Variants in MAPK8 observed in about 807,000 individuals in gnomAD.
The protein encoded by MAPK8 is JUN N-terminal kinase.
In MAPK8, 13 loss-of-function variants were observed where a neutral mutation model predicts 52.9. That is an observed-to-expected ratio of 0.25 (90% CI 0.16 to 0.39). MAPK8 has a LOEUF of 0.39. Among genes scored for constraint, MAPK8 ranks in the 10% least tolerant of loss-of-function variants. The pLI is 1.00. For missense variants in MAPK8, 300 were observed against 519.2 expected, an observed-to-expected ratio of 0.58 and a Z score of 4.10; for synonymous variants, 191 against 169.8, an observed-to-expected ratio of 1.12 and a Z score of -0.97.
chr10:48,365,791 A>T (rs1221667695), intron 1 of MAPK8, among the ~76,000 whole-genome samples: 1 of 152,160 alleles, frequency 6.6e-6, no homozygotes, highest in Non-Finnish European at 1.5e-5. Flanking sequence ...GACAAACTTT[A>T]GGTTGTCAAA....
At chr10:48,313,729 A>G (rs1842218426) in intron 1 of MAPK8, among the ~76,000 whole-genome samples, 1 of 152,150 alleles carries the variant, frequency 6.6e-6, no homozygotes, top group Non-Finnish European at 1.5e-5. Flanking sequence ...TGCAATATGT[A>G]TCACCTTTTG....
At chr10:48,363,239 TG>T (rs1299440904) in intron 1 of MAPK8, among the ~76,000 whole-genome samples, 1 of 152,228 alleles carries the variant, frequency 6.6e-6, no homozygotes, top group Non-Finnish European at 1.5e-5. Context: ...CTAGGTGAGC[TG>T]GGGTTGCCAT....
intron 1 of MAPK8, among the ~76,000 whole-genome samples, chr10:48,368,490 C>G (rs940515981): frequency 3.3e-5 from 5 of 152,150 alleles, no homozygotes; most frequent in Non-Finnish European, 2.9e-5. Context: ...TGGCTGGATC[C>G]TGGGATTGGA....
In MAPK8 at chr10:48,389,015, C is replaced by A. The variant is rs2041479969; in HGVS notation, c.-49-12597C>A. Reference sequence around the variant, plus strand: ...GAAGGGGAGAGTACCCTAGGATGCACCCTATATTTCACATATTGTTTCTAC... The same window carrying A: ...GAAGGGGAGAGTACCCTAGGATGCAACCTATATTTCACATATTGTTTCTAC... On this transcript the variant is annotated intron_variant, in intron 1 of 11. Transcript: ENST00000374189. Among the ~76,000 whole-genome samples, 3 of 152,042 alleles carry A rather than the reference C, an allele frequency of 2.0e-5. No individual in the cohort carries two copies. In the South Asian group the frequency reaches 6.2e-4, roughly 32 times the overall value.
At chr10:48,320,243 T>TA (rs1373517413) in intron 1 of MAPK8, among the ~76,000 whole-genome samples, 119 of 133,460 alleles carry the variant, frequency 8.9e-4, no homozygotes, top group African/African-American at 3.6e-3. Context: ...TTTTTTTTTT[T>TA]AAATTAGATC....
intron 9 of MAPK8, 186 bp downstream of exon 9, chr10:48,426,690 A>C: frequency 1.7e-6 from 1 of 588,018 alleles, no homozygotes; most frequent in Non-Finnish European, 2.8e-6. Flanking sequence ...CCTACACAAA[A>C]TAAAGTTACC....
At chr10:48,388,058 A>G (rs1311950815) in intron 1 of MAPK8, among the ~76,000 whole-genome samples, 1 of 152,230 alleles carries the variant, frequency 6.6e-6, no homozygotes, top group Admixed American at 6.5e-5. Flanking sequence ...ACTGAAAGGC[A>G]AAAGGAAAGT....
chr10:48,416,905 G>T (rs916440805), intron 5 of MAPK8, among the ~76,000 whole-genome samples: 1 of 152,048 alleles, frequency 6.6e-6, no homozygotes, highest in East Asian at 1.9e-4. Flanking sequence ...TATTTTCCTT[G>T]AGGGCTGCTC....
intron 1 of MAPK8, among the ~76,000 whole-genome samples, chr10:48,307,724 A>G (rs35102768): frequency 6.6e-6 from 1 of 152,204 alleles, no homozygotes; most frequent in Non-Finnish European, 1.5e-5. Context: ...CGATCTTTCC[A>G]GTAGAATTCT....
chr10:48,318,707 G>A (rs1842723857), intron 1 of MAPK8, among the ~76,000 whole-genome samples: 1 of 152,178 alleles, frequency 6.6e-6, no homozygotes, highest in East Asian at 1.9e-4. Flanking sequence ...TTAAAAAAGG[G>A]TCAGTCTGCA....
intron 1 of MAPK8, among the ~76,000 whole-genome samples, chr10:48,386,832 A>T (rs1237322427): frequency 2.0e-5 from 3 of 152,210 alleles, no homozygotes; most frequent in Non-Finnish European, 2.9e-5. Context: ...AGCCAGAAAC[A>T]TGTACTTACT....
intron 2 of MAPK8, 117 bp from the exon 3 acceptor site, chr10:48,404,735 A>C: frequency 4.3e-6 from 3 of 704,300 alleles, no homozygotes; most frequent in Non-Finnish European, 7.1e-6. Context: ...TAGACTTGGA[A>C]GGGATCCAGT....
At chr10:48,423,716 A>G (rs1204935365) in intron 6 of MAPK8, among the ~76,000 whole-genome samples, 2 of 152,148 alleles carry the variant, frequency 1.3e-5, no homozygotes, top group Non-Finnish European at 2.9e-5. Flanking sequence ...TAGTATAACA[A>G]TTTTATTTTT....
intron 6 of MAPK8, among the ~76,000 whole-genome samples, chr10:48,422,673 T>C (rs1351957058): frequency 1.3e-5 from 2 of 152,148 alleles, no homozygotes; most frequent in African/African-American, 4.8e-5. Flanking sequence ...ACGGAAACCT[T>C]AGAAAAAATT....
intron 1 of MAPK8, among the ~76,000 whole-genome samples, chr10:48,358,838 G>C (rs549364616): frequency 2.0e-4 from 31 of 152,164 alleles, no homozygotes; most frequent in Non-Finnish European, 4.0e-4. Context: ...TGGCAATCTA[G>C]TTGTCTGGCA....
At chr10:48,431,820 A>G (rs1392226406) in intron 11 of MAPK8, among the ~76,000 whole-genome samples, 1 of 152,218 alleles carries the variant, frequency 6.6e-6, no homozygotes, top group Admixed American at 6.5e-5. Flanking sequence ...AAGTAAAAGT[A>G]TAAAGAATAG....
At chr10:48,398,167 T>C (rs972638995) in intron 1 of MAPK8, among the ~76,000 whole-genome samples, 6 of 152,182 alleles carry the variant, frequency 3.9e-5, no homozygotes, top group African/African-American at 1.4e-4. Flanking sequence ...TAAAAAGACA[T>C]TGTTAAGAAA....
rs77464586 is a variant in MAPK8, at chr10:48,317,504, T to G, written c.-50+10683T>G. 6.5e-4 allele frequency among the ~76,000 whole-genome samples: 99 copies of G among 152,290 alleles called. 1 individual carries two copies. In the East Asian group the frequency reaches 0.017, roughly 27 times the overall value. On this transcript the variant is annotated intron_variant, in intron 1 of 11. Transcript: ENST00000374189. ...TGAAAAAGAGTGAGAAATGAGCAAG[T>G]GCTGACACAGTGGGTGCAGACCACT...
intron 1 of MAPK8, among the ~76,000 whole-genome samples, chr10:48,333,920 A>G (rs1204866518): frequency 1.3e-5 from 2 of 150,296 alleles, no homozygotes; most frequent in African/African-American, 2.5e-5. Context: ...GCAGGCTCCA[A>G]AGCAGTGGAG....
Sources: gnomAD v4.1 joint callset for allele counts (sites outside exome capture counted in the v4.1 genomes callset) on GRCh38, gnomAD v4.1.1 for gene constraint, MANE v1.5 for transcripts, NCBI Gene and HGNC (gene_info 2026-07-23, HGNC 2026-07-21) for gene names.